The following OTOP2 variants were observed in gnomAD, a reference collection of about 807,000 sequenced individuals.
OTOP2 encodes otopetrin 2.
In OTOP2, 41 loss-of-function variants were observed where a neutral mutation model predicts 47.4. That is an observed-to-expected ratio of 0.87 (90% CI 0.67 to 1.12). The LOEUF is 1.12. Ranked by LOEUF, OTOP2 falls within the 50% of genes most tolerant of loss-of-function variation. The probability of loss-of-function intolerance (pLI) is 0.00; values close to 1 mark genes in which losing one functional copy is unlikely to be tolerated. For synonymous variants in OTOP2, 328 were observed against 319.6 expected (o/e 1.03, Z -0.28); for missense variants, 721 against 752.2 (o/e 0.96, Z 0.49).
Position 74,924,569 on chromosome 17 carries a change from A to G in OTOP2, c.-33-31A>G. The G allele has an allele frequency of 6.9e-7, 1 of 1,443,144 alleles. No homozygotes were observed. Among genetic ancestry groups the G allele is most frequent in the Non-Finnish European group, 9.1e-7 (1 of 1,097,830 alleles). 89.4% of individuals were successfully genotyped at this position (1,443,144 alleles called of 1,614,324 possible). A position where few individuals can be genotyped will look rare whatever the true frequency, so the allele number is the denominator to read the frequency against. ...GGGGGAAGGAGAGCCGTCAGGGTTG[A>G]CCTGGAGTTTTGTCCGCTCCTCCCC... On this transcript the variant is annotated intron_variant, in intron 1 of 6. Coordinates refer to ENST00000331427, the MANE Select transcript of OTOP2 (RefSeq NM_178160.3). This position sits in a 1 kb window ranked among gnomAD's most constrained non-coding sequence, Gnocchi z 7.7.
At position 74,930,435 on chromosome 17, in the gene OTOP2, G is replaced by A; in HGVS notation, c.800G>A (p.Arg267Lys). 2 of 1,614,202 alleles carry A rather than the reference G, an allele frequency of 1.2e-6. No homozygotes were observed. The highest frequency in any genetic ancestry group is 1.7e-6 in the Non-Finnish European group (2 of 1,180,030). Reference protein sequence around the residue: ...MLYVMWKNVGRFLASTPGHSH... With the variant: ...MLYVMWKNVGKFLASTPGHSH... ...TATGTCATGTGGAAGAATGTGGGTA[G>A]ATTCCTGGCCTCCACCCCTGGCCAC... The change falls in exon 6 of 7, where the codon AGA (arginine) becomes AAA (lysine). Residue 267 changes from arginine to lysine, a missense_variant. Transcript: ENST00000331427. The surrounding 1 kb of genome is among the most constrained non-coding windows in gnomAD (Gnocchi z 4.0).
At position 74,933,596 on chromosome 17, in the gene OTOP2, C is replaced by A; in HGVS notation, c.*51C>A. On this transcript the variant is annotated 3_prime_UTR_variant, in exon 7 of 7. Coordinates refer to ENST00000331427, the MANE Select transcript of OTOP2 (RefSeq NM_178160.3). The surrounding 1 kb of genome is among the most constrained non-coding windows in gnomAD (Gnocchi z 4.7). The stretch of plus-strand genomic sequence containing the variant: ...AGGAAGAGGGGGCTCAGCTCATGTG[C>A]CCACTCAGACACCCTCTGGGAATGA... The A allele has an allele frequency of 6.6e-7, 1 of 1,519,312 alleles. No individual in the cohort carries two copies. Among genetic ancestry groups the A allele is most frequent in the Non-Finnish European group, 8.9e-7 (1 of 1,118,486 alleles). The allele number at this position is 1,519,312 out of a possible 1,614,324, so 94.1% of individuals were successfully genotyped here.
At chr17:74,928,717 T>C (rs1239830727) in intron 5 of OTOP2, among the ~76,000 whole-genome samples, 2 of 152,208 alleles carry the variant, frequency 1.3e-5, no homozygotes, top group African/African-American at 2.4e-5. Context: ...TTTTAAACAA[T>C]ATGCTAAACT....
rs2039080893 is a variant in OTOP2 at position 74,933,744 on chromosome 17, T to C, written c.*199T>C. 3.5e-6 allele frequency: 2 copies of C among 572,184 alleles called. No individual in the cohort carries two copies. The highest frequency in any genetic ancestry group is 6.3e-5 in the Admixed American group (2 of 31,772). The allele number at this position is 572,184 out of a possible 1,614,324, so 35.4% of individuals were successfully genotyped here. A position where few individuals can be genotyped will look rare whatever the true frequency, so the allele number is the denominator to read the frequency against. Reference sequence around the variant, plus strand: ...CAGGACAGGCCCATCCACCCCAGTATGACCGTGGGGCATGAGGTGACTGGG... The same window carrying C: ...CAGGACAGGCCCATCCACCCCAGTACGACCGTGGGGCATGAGGTGACTGGG... On this transcript the variant is annotated 3_prime_UTR_variant, in exon 7 of 7. Coordinates refer to ENST00000331427, the MANE Select transcript of OTOP2 (RefSeq NM_178160.3). The surrounding 1 kb of genome is among the most constrained non-coding windows in gnomAD (Gnocchi z 4.7).
In OTOP2 at chr17:74,930,204, AG is replaced by A; in HGVS notation, c.644-73del. The A allele has an allele frequency of 2.1e-6, 3 of 1,457,728 alleles. No homozygotes were observed. The highest frequency in any genetic ancestry group is 2.8e-6 in the Non-Finnish European group (3 of 1,088,644). 90.3% of individuals were successfully genotyped at this position (1,457,728 alleles called of 1,614,324 possible). A position where few individuals can be genotyped will look rare whatever the true frequency, so the allele number is the denominator to read the frequency against. On this transcript the variant is annotated intron_variant, in intron 5 of 6. Coordinates refer to ENST00000331427, the MANE Select transcript of OTOP2 (RefSeq NM_178160.3). This position sits in a 1 kb window ranked among gnomAD's most constrained non-coding sequence, Gnocchi z 4.0. ...GTCTCAAAACAAAACAAAAAAAAAA[AG>A]GTCACAGGCTAGGGGTGAGACCTCT... is the stretch of plus-strand genomic sequence containing the variant.
chr17:74,925,646 T>A lies in OTOP2; in HGVS notation c.404T>A (p.Ile135Asn). The A allele has an allele frequency of 6.2e-7, 1 of 1,614,178 alleles. No homozygotes were observed. Among genetic ancestry groups the A allele is most frequent in the Non-Finnish European group, 8.5e-7 (1 of 1,180,026 alleles). ...YSSFFECQSA[I>N]KILHPLIQAV... Reference sequence around the variant, plus strand: ...AGTTTCTTTGAGTGCCAGTCAGCCATCAAGATCCTGCACCCCCTCATCCAG... The same window carrying A: ...AGTTTCTTTGAGTGCCAGTCAGCCAACAAGATCCTGCACCCCCTCATCCAG... The change falls in exon 3 of 7, where the codon ATC becomes AAC. Residue 135 changes from isoleucine to asparagine, a missense_variant. Ile to Asn is a moderately radical substitution (Grantham distance 149, BLOSUM62 -3). Coordinates refer to ENST00000331427, the MANE Select transcript of OTOP2 (RefSeq NM_178160.3).
rs530130350 is a variant in OTOP2 at position 74,933,825 on chromosome 17, G to A, written c.*280G>A. On this transcript the variant is annotated 3_prime_UTR_variant, in exon 7 of 7. Transcript: ENST00000331427. The surrounding 1 kb of genome is among the most constrained non-coding windows in gnomAD (Gnocchi z 4.7). ...GGACCCAACAAGATCTGGAGGTGCC[G>A]GCTCTGGTTCCATCTCTAATCCCCT... The A allele has an allele frequency of 2.6e-5, 9 of 343,442 alleles. No individual in the cohort carries two copies. In the South Asian group the frequency reaches 3.7e-4, roughly 14 times the overall value. 21.3% of individuals were successfully genotyped at this position (343,442 alleles called of 1,614,324 possible).
In OTOP2 at chr17:74,924,915, G is replaced by C; in HGVS notation, c.283G>C (p.Asp95His). The part of the protein sequence containing the change: ...VRCPCAVPYR[D>H]AHAGPIWLRG... ...CTGCCCCTGCGCGGTACCCTACCGG[G>C]ACGCGCACGCTGGCCCCATCTGGCT... is the stretch of plus-strand genomic sequence containing the variant. Residue 95 changes from aspartate to histidine, a missense_variant, in exon 2 of 7, where the codon GAC becomes CAC. Asp to His is a moderately conservative substitution (Grantham distance 81). Coordinates refer to ENST00000331427, the MANE Select transcript of OTOP2 (RefSeq NM_178160.3). The surrounding 1 kb of genome is among the most constrained non-coding windows in gnomAD (Gnocchi z 7.7). 1 of 1,581,774 alleles carries C rather than the reference G, an allele frequency of 6.3e-7. No homozygotes were observed. The highest frequency in any genetic ancestry group is 8.6e-7 in the Non-Finnish European group (1 of 1,164,056).
At chr17:74,929,412 G>GT (rs982152622) in intron 5 of OTOP2, among the ~76,000 whole-genome samples, 1 of 151,586 alleles carries the variant, frequency 6.6e-6, no homozygotes, top group South Asian at 2.1e-4. Context: ...AAACTGTTTT[G>GT]TTTTTTTGTT....
At chr17:74,928,112 G>A (rs1453969047) in intron 5 of OTOP2, 8 of 278,038 alleles carry the variant, frequency 2.9e-5, no homozygotes, top group Non-Finnish European at 5.4e-5. Context: ...GAAGGCTAAG[G>A]CAGACCAATT....
rs982524443 is a variant in OTOP2 at position 74,924,329 on chromosome 17, G to A, written c.-38G>A. 5.2e-6 allele frequency: 2 copies of A among 385,516 alleles called. No homozygotes were observed. The highest frequency in any genetic ancestry group is 9.3e-6 in the Non-Finnish European group (2 of 215,062). The allele number at this position is 385,516 out of a possible 1,614,324, so 23.9% of individuals were successfully genotyped here. A position where few individuals can be genotyped will look rare whatever the true frequency, so the allele number is the denominator to read the frequency against. ...CAGCTCAGCGCCGGCTCCAAGCCCAGCCAGGTGGGTGCCCCGGGCCGGAGG... is the reference window on the plus strand; with the variant it reads ...CAGCTCAGCGCCGGCTCCAAGCCCAACCAGGTGGGTGCCCCGGGCCGGAGG... On this transcript the variant is annotated 5_prime_UTR_variant, in exon 1 of 7. Coordinates refer to ENST00000331427, the MANE Select transcript of OTOP2 (RefSeq NM_178160.3). The surrounding 1 kb of genome is among the most constrained non-coding windows in gnomAD (Gnocchi z 7.7).
At chr17:74,925,254 T>C (rs946838877) in intron 2 of OTOP2, among the ~76,000 whole-genome samples, 1 of 151,932 alleles carries the variant, frequency 6.6e-6, no homozygotes, top group Non-Finnish European at 1.5e-5. Flanking sequence ...CTGAAAGAGC[T>C]CAGCCAGGGC....
intron 4 of OTOP2, 103 bp downstream of exon 4, chr17:74,927,384 T>C: frequency 7.4e-7 from 1 of 1,348,296 alleles, no homozygotes; most frequent in South Asian, 1.2e-5. Context: ...TTATGTCCCC[T>C]GGGTGGGGTT....
At chr17:74,932,563 C>A (rs953638295) in intron 6 of OTOP2, among the ~76,000 whole-genome samples, 3 of 152,222 alleles carry the variant, frequency 2.0e-5, no homozygotes, top group Non-Finnish European at 4.4e-5. Context: ...GGTACCTGGC[C>A]CCCTGCCCTC....
At position 74,933,685 on chromosome 17, in the gene OTOP2, G is replaced by T; in HGVS notation, c.*140G>T. ...GTCCCAGAGTGGAATTTTCACAAAA[G>T]TTATTTTTCCAGGTTCAATTTTTAA... On this transcript the variant is annotated 3_prime_UTR_variant, in exon 7 of 7. Transcript: ENST00000331427. The surrounding 1 kb of genome is among the most constrained non-coding windows in gnomAD (Gnocchi z 4.7). 2 of 1,070,090 alleles carry T rather than the reference G, an allele frequency of 1.9e-6. No homozygotes were observed. The highest frequency in any genetic ancestry group is 2.6e-6 in the Non-Finnish European group (2 of 779,026). The allele number at this position is 1,070,090 out of a possible 1,614,324, so 66.3% of individuals were successfully genotyped here. A position where few individuals can be genotyped will look rare whatever the true frequency, so the allele number is the denominator to read the frequency against.
intron 3 of OTOP2, among the ~76,000 whole-genome samples, chr17:74,926,648 T>C (rs556499105): frequency 5.3e-5 from 8 of 152,230 alleles, no homozygotes; most frequent in African/African-American, 1.9e-4. Flanking sequence ...GGGTTTTACA[T>C]GTGACGTTTT....
rs1388704336 is a variant in OTOP2 at position 74,930,824 on chromosome 17, G to A, written c.1189G>A (p.Asp397Asn). 2 of 1,614,060 alleles carry A rather than the reference G, an allele frequency of 1.2e-6. No homozygotes were observed. Among genetic ancestry groups the A allele is most frequent in the Non-Finnish European group, 1.7e-6 (2 of 1,180,000 alleles). ...IVAVVAGTPQ[D>N]LLAGLNLTHA... ...GGCTGTGGTGGCGGGCACACCCCAG[G>A]ACCTGCTGGCAGGGCTCAACCTCAC... The change falls in exon 6 of 7, where the codon GAC becomes AAC. Residue 397 changes from aspartate to asparagine, a missense_variant. By Grantham distance (23) the Asp-to-Asn change is conservative (BLOSUM62 1). Transcript: ENST00000331427. The surrounding 1 kb of genome is among the most constrained non-coding windows in gnomAD (Gnocchi z 4.0).
At chr17:74,931,692 C>T (rs934228876) in intron 6 of OTOP2, among the ~76,000 whole-genome samples, 1 of 152,130 alleles carries the variant, frequency 6.6e-6, no homozygotes, top group Non-Finnish European at 1.5e-5. Context: ...CAGTGGCTCA[C>T]GCCTGTAATC....
At chr17:74,931,887 C>T (rs1337349773) in intron 6 of OTOP2, among the ~76,000 whole-genome samples, 8 of 137,422 alleles carry the variant, frequency 5.8e-5, no homozygotes, top group African/African-American at 1.9e-4. Context: ...ACCCAGGAGG[C>T]GGAGGTTGCA....
Sources: gnomAD v4.1 joint callset for allele counts (sites outside exome capture counted in the v4.1 genomes callset) on GRCh38, gnomAD v4.1.1 for gene constraint, Gnocchi (gnomAD v3.1) non-coding constraint, MANE v1.5 for transcripts, NCBI Gene and HGNC (gene_info 2026-07-23, HGNC 2026-07-21) for gene names.